KDM4C: variants seen among roughly 807,000 people sequenced by gnomAD.
KDM4C encodes the protein lysine-specific demethylase 4C.
KDM4C carries 81 observed loss-of-function variants against 129.3 expected under a neutral mutation model. The ratio of observed to expected loss-of-function variants is 0.63; its 90% CI spans 0.52 to 0.75. The LOEUF is 0.75. Ranked by LOEUF, KDM4C falls within the 30% of genes least tolerant of loss-of-function variation. KDM4C has a pLI of 0.00. For missense variants in KDM4C, 1,457 were observed against 1,304.0 expected (o/e 1.12, Z -1.81); for synonymous variants, 573 against 456.1 (o/e 1.26, Z -3.26).
At chr9:7,122,402 T>C (rs10815521) in intron 18 of KDM4C, among the ~76,000 whole-genome samples, 29,982 of 151,946 alleles carry the variant, frequency 0.2, 3,181 homozygotes, top group Non-Finnish European at 0.24. Context: ...ACCTCCAATA[T>C]TGGGGATTCC....
At chr9:6,766,037 C>T (rs776571190) in intron 1 of KDM4C, among the ~76,000 whole-genome samples, 1 of 152,176 alleles carries the variant, frequency 6.6e-6, no homozygotes, top group African/African-American at 2.4e-5. Context: ...GATCCGCCCA[C>T]CTCAGCCTCC....
intron 17 of KDM4C, among the ~76,000 whole-genome samples, chr9:7,090,944 A>G (rs1019789975): frequency 1.3e-5 from 2 of 152,218 alleles, no homozygotes; most frequent in Non-Finnish European, 2.9e-5. Context: ...CATCCTATTC[A>G]TGTCCATTAT....
chr9:7,112,997 A>G (rs557332077), intron 18 of KDM4C, among the ~76,000 whole-genome samples: 7 of 152,166 alleles, frequency 4.6e-5, no homozygotes, highest in Admixed American at 1.3e-4. Context: ...TTAGACTTCT[A>G]CATAATCATC....
intron 1 of KDM4C, among the ~76,000 whole-genome samples, chr9:6,774,409 A>T (rs1344952366): frequency 6.6e-6 from 1 of 152,006 alleles, no homozygotes; most frequent in Non-Finnish European, 1.5e-5. Context: ...TCATGCCTGT[A>T]ATCCCAGCAC....
chr9:7,093,587 G>T (rs983329770), intron 17 of KDM4C, among the ~76,000 whole-genome samples: 2 of 152,038 alleles, frequency 1.3e-5, no homozygotes, highest in Non-Finnish European at 2.9e-5. Flanking sequence ...GGGTTTTTTT[G>T]TGTGTGTGTC....
intron 12 of KDM4C, among the ~76,000 whole-genome samples, chr9:7,009,293 T>A (rs775216315): frequency 1.3e-5 from 2 of 152,248 alleles, no homozygotes; most frequent in African/African-American, 2.4e-5. Context: ...GCCACCCAAG[T>A]CTGAATGACT....
At chr9:7,039,634 C>T (rs1395299664) in intron 15 of KDM4C, among the ~76,000 whole-genome samples, 2 of 151,904 alleles carry the variant, frequency 1.3e-5, no homozygotes, top group Admixed American at 1.3e-4. Context: ...AATTAACACA[C>T]AGTTTATATG....
chr9:6,757,496 T>C (rs1335722299), upstream of KDM4C: 1 of 406,096 alleles, frequency 2.5e-6, no homozygotes, highest in Non-Finnish European at 3.3e-6. Flanking sequence ...GGCTCAGTGG[T>C]CCCGGCCACC....
intron 8 of KDM4C, among the ~76,000 whole-genome samples, chr9:6,945,762 A>G (rs953019771): frequency 1.3e-5 from 2 of 152,128 alleles, no homozygotes; most frequent in Non-Finnish European, 2.9e-5. Context: ...ATATTTTTCA[A>G]GATAGTGGAA....
At chr9:6,819,716 A>G (rs896593260) in intron 4 of KDM4C, among the ~76,000 whole-genome samples, 1 of 152,222 alleles carries the variant, frequency 6.6e-6, no homozygotes, top group Non-Finnish European at 1.5e-5. Flanking sequence ...AAAAGAGTGC[A>G]TTAAAGGGCA....
At chr9:7,084,098 G>A (rs930683777) in intron 17 of KDM4C, among the ~76,000 whole-genome samples, 9 of 152,270 alleles carry the variant, frequency 5.9e-5, no homozygotes, top group East Asian at 1.9e-4. Flanking sequence ...ATTTAATGGC[G>A]TTAGTTTCTT....
chr9:7,129,913 C>T (rs1238709952), intron 19 of KDM4C, among the ~76,000 whole-genome samples: 3 of 152,160 alleles, frequency 2.0e-5, no homozygotes, highest in Admixed American at 2.0e-4. Context: ...ATAATTGTCT[C>T]AAGGTCACAC....
intron 8 of KDM4C, among the ~76,000 whole-genome samples, chr9:6,949,015 G>T (rs1466148108): frequency 6.6e-6 from 1 of 152,130 alleles, no homozygotes; most frequent in Non-Finnish European, 1.5e-5. Flanking sequence ...CCCAGACGGG[G>T]TGGCGGCCGG....
chr9:6,796,185 C>G (rs1827719010), intron 2 of KDM4C, among the ~76,000 whole-genome samples: 1 of 152,200 alleles, frequency 6.6e-6, no homozygotes, highest in African/African-American at 2.4e-5. Context: ...GGGCTCACGC[C>G]TGCAATCCCA....
upstream of KDM4C, among the ~76,000 whole-genome samples, chr9:6,757,190 T>C (rs1430625509): frequency 4.6e-5 from 7 of 152,190 alleles, no homozygotes; most frequent in African/African-American, 9.7e-5. Context: ...AGTTAACTTA[T>C]CTAGTCTCAG....
chr9:6,957,792 G>T (rs965037511), intron 8 of KDM4C, among the ~76,000 whole-genome samples: 1 of 152,186 alleles, frequency 6.6e-6, no homozygotes, highest in Non-Finnish European at 1.5e-5. Flanking sequence ...AGCTGGGTCT[G>T]CATACTGGCC....
chr9:7,132,148 C>A (rs1305109854), intron 19 of KDM4C, among the ~76,000 whole-genome samples: 1 of 152,142 alleles, frequency 6.6e-6, no homozygotes, highest in Middle Eastern at 3.2e-3. Context: ...TTTAGGATAT[C>A]AAGTTTAATC....
At chr9:7,014,265 A>T in intron 14 of KDM4C, 1 of 344,284 alleles carries the variant, frequency 2.9e-6, no homozygotes, top group Non-Finnish European at 5.3e-6. Flanking sequence ...AGGAGTCATG[A>T]TGGGGTTCCT....
intron 8 of KDM4C, among the ~76,000 whole-genome samples, chr9:6,901,884 A>G (rs1261990436): frequency 6.6e-6 from 1 of 152,156 alleles, no homozygotes; most frequent in Non-Finnish European, 1.5e-5. Flanking sequence ...GCGCTTACAG[A>G]CTTCAGTCTA....
Sources: gnomAD v4.1 joint callset for allele counts (sites outside exome capture counted in the v4.1 genomes callset) on GRCh38, gnomAD v4.1.1 for gene constraint, MANE v1.5 for transcripts, NCBI Gene and HGNC (gene_info 2026-07-23, HGNC 2026-07-21) for gene names.